HIVEP3: variants seen among roughly 807,000 people sequenced by gnomAD.
HIVEP3 encodes HIVEP zinc finger 3, also known as transcription factor HIVEP3.
Under a neutral mutation model 152.8 loss-of-function variants are expected in HIVEP3, and 49 were observed. The observed-to-expected ratio is 0.32, with a 90% CI of 0.26 to 0.41. The LOEUF (loss-of-function observed/expected upper bound fraction) is 0.41, where lower values mean the gene tolerates loss of function less well. HIVEP3 is among the 10% of genes least tolerant of loss of function. HIVEP3 has a pLI of 1.00. For synonymous variants in HIVEP3, 1,269 were observed against 1,289.0 expected, an observed-to-expected ratio of 0.98 and a Z score of 0.33; for missense variants, 2,790 against 3,103.3, an observed-to-expected ratio of 0.90 and a Z score of 2.40.
intron 1 of HIVEP3, among the ~76,000 whole-genome samples, chr1:41,806,904 C>T (rs564697264): frequency 2.2e-4 from 33 of 152,072 alleles, no homozygotes; most frequent in Non-Finnish European, 4.1e-4. Context: ...TTGCCCTCAC[C>T]CCACGCCCCA....
intron 2 of HIVEP3, among the ~76,000 whole-genome samples, chr1:41,638,350 GAAA>G (rs57959054): frequency 2.3e-5 from 1 of 42,566 alleles, no homozygotes; most frequent in Non-Finnish European, 5.5e-5. Flanking sequence ...GAGAGAGAAA[GAAA>G]GAAAAAGGAA....
At chr1:41,976,770 G>A (rs1352650135) in intron 1 of HIVEP3, among the ~76,000 whole-genome samples, 2 of 152,144 alleles carry the variant, frequency 1.3e-5, no homozygotes, top group Non-Finnish European at 2.9e-5. Flanking sequence ...GGGGAAATGT[G>A]AACATAGACA....
rs1175719988 is a variant in HIVEP3, at chr1:41,628,845, C to T, written c.-618G>A. ...CACTCCTACGGCAGCCACCCTCCAC[C>T]TAGGCGCCGCTCTTCCCACCAGAGG... On this transcript the variant is annotated 5_prime_UTR_variant, in exon 3 of 9. An upstream open reading frame in the 5' UTR loses its in-frame stop. Coordinates refer to ENST00000372583, the MANE Select transcript of HIVEP3 (RefSeq NM_024503.5). The T allele has an allele frequency of 6.5e-6, 8 of 1,232,016 alleles. No homozygotes were observed. In the East Asian group the frequency reaches 9.5e-5, roughly 15 times the overall value. The allele number at this position is 1,232,016 out of a possible 1,614,324, so 76.3% of individuals were successfully genotyped here.
intron 1 of HIVEP3, among the ~76,000 whole-genome samples, chr1:41,731,742 A>T (rs532641397): frequency 6.6e-6 from 1 of 152,154 alleles, no homozygotes; most frequent in Non-Finnish European, 1.5e-5. Flanking sequence ...TCCAGCCCCA[A>T]TCAGGCCTTC....
rs947623586 is a variant in HIVEP3 at position 41,512,828 on chromosome 1, G to A, written c.6393C>T (p.Cys2131=). The A allele has an allele frequency of 3.3e-6, 5 of 1,507,678 alleles. No homozygotes were observed. The highest frequency in any genetic ancestry group is 1.4e-5 in the African/African-American group (1 of 71,998). The allele number at this position is 1,507,678 out of a possible 1,614,324, so 93.4% of individuals were successfully genotyped here. The change falls in exon 8 of 9, where the codon TGC becomes TGT. Residue 2131 remains cysteine (C), a synonymous_variant. Transcript: ENST00000372583. The stretch of plus-strand genomic sequence containing the variant: ...GGCAGGAACTCACCCACGGGGAGGC[G>A]CAGGTCTCTGGGCTTCTGCTGAGGA... ...HKLLSRSPET[C]ASPWQKAESR... is the part of the protein sequence containing the mutation.
intron 2 of HIVEP3, among the ~76,000 whole-genome samples, chr1:41,692,634 T>C (rs549099201): frequency 6.6e-6 from 1 of 152,244 alleles, no homozygotes; most frequent in Admixed American, 6.5e-5. Flanking sequence ...GTGAGGACTT[T>C]ATAGAACATA....
chr1:41,796,322 C>T (rs573562543), intron 1 of HIVEP3, among the ~76,000 whole-genome samples: 2 of 152,360 alleles, frequency 1.3e-5, no homozygotes, highest in Admixed American at 6.5e-5. Context: ...CGGGACCACA[C>T]GACAGCCCCA....
In HIVEP3 at chr1:41,853,381, T is replaced by C. The variant is rs147212078; in HGVS notation, c.-801+65032A>G. 2.4e-3 allele frequency among the ~76,000 whole-genome samples: 368 copies of C among 152,122 alleles called. 1 individual carries two copies. Among genetic ancestry groups the C allele is most frequent in the African/African-American group, 8.3e-3 (344 of 41,516 alleles). ...GGCCTCAGGACATTTACAATCATGG[T>C]GAAAGGTGAAGGGGAAGCAAGGCAC... is the stretch of plus-strand genomic sequence containing the variant. On this transcript the variant is annotated intron_variant, in intron 1 of 8. Transcript: ENST00000372583.
chr1:41,900,636 G>C (rs72965205), intron 1 of HIVEP3, among the ~76,000 whole-genome samples: 4,066 of 152,094 alleles, frequency 0.027, 176 homozygotes, highest in African/African-American at 0.094. Flanking sequence ...AGAGGGAATA[G>C]AGAGGCAGTG....
intron 2 of HIVEP3, among the ~76,000 whole-genome samples, chr1:41,631,231 G>C (rs1384284467): frequency 4.6e-5 from 7 of 152,202 alleles, no homozygotes; most frequent in Admixed American, 4.6e-4. Context: ...TCCAGGGCCA[G>C]GTATACCTGG....
intron 5 of HIVEP3, among the ~76,000 whole-genome samples, chr1:41,565,473 G>A (rs1322064439): frequency 2.0e-5 from 3 of 151,774 alleles, no homozygotes; most frequent in Non-Finnish European, 4.4e-5. Context: ...AAAATCTATG[G>A]AAATATTTGA....
chr1:41,649,285 A>G (rs1049907722), intron 2 of HIVEP3, among the ~76,000 whole-genome samples: 11 of 152,228 alleles, frequency 7.2e-5, no homozygotes, highest in African/African-American at 2.7e-4. Flanking sequence ...CACTGGAGGC[A>G]TAAGAATCCT....
intron 1 of HIVEP3, among the ~76,000 whole-genome samples, chr1:41,872,533 TC>T (rs1287890030): frequency 6.6e-6 from 1 of 151,996 alleles, no homozygotes; most frequent in Non-Finnish European, 1.5e-5. Context: ...ACACTCTTTC[TC>T]GGTTAATCCC....
intron 2 of HIVEP3, among the ~76,000 whole-genome samples, chr1:41,675,610 C>T (rs578067745): frequency 1.8e-4 from 28 of 152,160 alleles, no homozygotes; most frequent in Non-Finnish European, 3.5e-4. Flanking sequence ...AGCTGTGACC[C>T]ACATGGATTG....
chr1:41,639,851 C>T (rs959238378), intron 2 of HIVEP3, among the ~76,000 whole-genome samples: 1 of 152,126 alleles, frequency 6.6e-6, no homozygotes, highest in Non-Finnish European at 1.5e-5. Context: ...ATGAGTGAGG[C>T]GTCCCCAACA....
chr1:41,659,739 TC>T (rs145093274), intron 2 of HIVEP3, among the ~76,000 whole-genome samples: 94 of 152,290 alleles, frequency 6.2e-4, no homozygotes, highest in African/African-American at 2.2e-3. Context: ...TCGGCCAATA[TC>T]CACAAATATG....
At chr1:41,733,205 C>T (rs1194313805) in intron 1 of HIVEP3, among the ~76,000 whole-genome samples, 3 of 152,148 alleles carry the variant, frequency 2.0e-5, no homozygotes, top group Non-Finnish European at 1.5e-5. Context: ...TGGGGCTGTG[C>T]TGAGACATAG....
At chr1:41,678,669 C>T (rs1011773121) in intron 2 of HIVEP3, among the ~76,000 whole-genome samples, 2 of 149,958 alleles carry the variant, frequency 1.3e-5, no homozygotes, top group Admixed American at 1.3e-4. Context: ...ACCCCAGCCC[C>T]CTTGGGCCTG....
upstream of HIVEP3, among the ~76,000 whole-genome samples, chr1:41,923,774 G>C (rs1367012369): frequency 6.6e-6 from 1 of 152,070 alleles, no homozygotes; most frequent in Non-Finnish European, 1.5e-5. Flanking sequence ...ATATATACAA[G>C]TGTTATCTGT....
Sources: gnomAD v4.1 joint callset for allele counts (sites outside exome capture counted in the v4.1 genomes callset) on GRCh38, gnomAD v4.1.1 for gene constraint, MANE v1.5 for transcripts, NCBI Gene and HGNC (gene_info 2026-07-23, HGNC 2026-07-21) for gene names.